Variants in RERE observed in about 807,000 individuals in gnomAD.
The protein encoded by RERE is arginine-glutamic acid dipeptide repeats.
Under a neutral mutation model 146.1 loss-of-function variants are expected in RERE, and 40 were observed. The observed-to-expected ratio is 0.27, with a 90% CI of 0.21 to 0.36. RERE has a LOEUF of 0.36. Among genes scored for constraint, RERE ranks in the 10% least tolerant of loss-of-function variants. The pLI, the probability that RERE is intolerant of heterozygous loss-of-function variation, is 1.00. For missense variants in RERE, 1,933 were observed against 2,138.7 expected (o/e 0.90, Z 1.90); for synonymous variants, 1,003 against 866.0 (o/e 1.16, Z -2.78).
chr1:8,714,849 T>A (rs570010007), intron 1 of RERE, among the ~76,000 whole-genome samples: 1 of 152,134 alleles, frequency 6.6e-6, no homozygotes, highest in African/African-American at 2.4e-5. Flanking sequence ...AGGAAAGAAG[T>A]TGTACAAGAA....
intron 1 of RERE, among the ~76,000 whole-genome samples, chr1:8,683,690 C>T (rs1639025159): frequency 6.6e-6 from 1 of 152,156 alleles, no homozygotes; most frequent in African/African-American, 2.4e-5. Context: ...GGTCTGTAAA[C>T]CCAGCACTTT....
At chr1:8,468,606 G>A (rs1644635874) in intron 10 of RERE, among the ~76,000 whole-genome samples, 1 of 152,162 alleles carries the variant, frequency 6.6e-6, no homozygotes, top group Non-Finnish European at 1.5e-5. Context: ...AAAAGTATGA[G>A]GCTAGGCACA....
chr1:8,681,293 T>C (rs1258333629), intron 1 of RERE, among the ~76,000 whole-genome samples: 1 of 152,218 alleles, frequency 6.6e-6, no homozygotes, highest in Non-Finnish European at 1.5e-5. Flanking sequence ...CATATAGGAC[T>C]ATTCATATAC....
At chr1:8,404,858 AGCTTG>A (rs1015321004) in intron 12 of RERE, among the ~76,000 whole-genome samples, 2 of 152,170 alleles carry the variant, frequency 1.3e-5, no homozygotes, top group African/African-American at 2.4e-5. Flanking sequence ...CAGTCCTGAA[AGCTTG>A]GCTCCTCACC....
At chr1:8,728,604 C>T (rs1640019198) in intron 1 of RERE, among the ~76,000 whole-genome samples, 1 of 152,192 alleles carries the variant, frequency 6.6e-6, no homozygotes, top group Admixed American at 6.5e-5. Flanking sequence ...CCTCAAAGGA[C>T]AGCACCTAAA....
intron 10 of RERE, among the ~76,000 whole-genome samples, chr1:8,485,082 C>A (rs186163773): frequency 1.8e-4 from 28 of 152,242 alleles, no homozygotes; most frequent in Admixed American, 2.6e-4. Flanking sequence ...AGAATGTGGG[C>A]CGGATCCGGT....
intron 1 of RERE, among the ~76,000 whole-genome samples, chr1:8,659,544 G>A (rs1303369980): frequency 2.0e-5 from 3 of 152,340 alleles, no homozygotes; most frequent in Middle Eastern, 3.4e-3. Flanking sequence ...GAGACAAAGC[G>A]AGACTCCGTC....
intron 1 of RERE, among the ~76,000 whole-genome samples, chr1:8,660,834 T>C (rs1377743431): frequency 6.6e-6 from 1 of 152,136 alleles, no homozygotes; most frequent in Admixed American, 6.5e-5. Flanking sequence ...ATGCTTTAAA[T>C]AAGAAAAGGA....
At chr1:8,592,104 G>A (rs1646502000) in intron 4 of RERE, among the ~76,000 whole-genome samples, 1 of 152,070 alleles carries the variant, frequency 6.6e-6, no homozygotes, top group African/African-American at 2.4e-5. Flanking sequence ...CAATGAAAAG[G>A]AACAAAGAAA....
At chr1:8,430,683 G>A (rs1434355659) in intron 11 of RERE, among the ~76,000 whole-genome samples, 1 of 152,240 alleles carries the variant, frequency 6.6e-6, no homozygotes, top group African/African-American at 2.4e-5. Context: ...ATAGTTCAGT[G>A]TTTCTTGAGC....
At chr1:8,525,987 T>C (rs1645565472) in intron 7 of RERE, 2 of 1,332,732 alleles carry the variant, frequency 1.5e-6, no homozygotes, top group Non-Finnish European at 1.9e-6. Context: ...GGACTGAGCA[T>C]GTGCTGTGAC....
chr1:8,509,846 A>G (rs1390876888), intron 7 of RERE, among the ~76,000 whole-genome samples: 9 of 152,218 alleles, frequency 5.9e-5, no homozygotes, highest in African/African-American at 2.2e-4. Flanking sequence ...AAAAGGAGGC[A>G]CATGCTCTTG....
chr1:8,645,696 C>T (rs1427661182), intron 2 of RERE, among the ~76,000 whole-genome samples: 2 of 152,182 alleles, frequency 1.3e-5, no homozygotes, highest in Non-Finnish European at 2.9e-5. Context: ...TTTCATGATA[C>T]TTAATGATCC....
intron 1 of RERE, chr1:8,753,334 G>C (rs1490211681): frequency 6.6e-6 from 1 of 151,946 alleles, no homozygotes; most frequent in Non-Finnish European, 1.5e-5. Context: ...ACGCATTTTT[G>C]CAATCGTTTC....
At chr1:8,362,124 G>A (rs1641604297) in intron 16 of RERE, among the ~76,000 whole-genome samples, 1 of 152,198 alleles carries the variant, frequency 6.6e-6, no homozygotes, top group African/African-American at 2.4e-5. Flanking sequence ...TGAAAATGTA[G>A]GCAGGACTGT....
chr1:8,454,808 C>G (rs1644432373), intron 11 of RERE, among the ~76,000 whole-genome samples: 1 of 150,550 alleles, frequency 6.6e-6, no homozygotes, highest in South Asian at 2.1e-4. Flanking sequence ...CTGTTTCAAA[C>G]AAACAAACAA....
intron 4 of RERE, among the ~76,000 whole-genome samples, chr1:8,563,298 T>A (rs778448949): frequency 2.0e-5 from 3 of 152,094 alleles, no homozygotes; most frequent in Non-Finnish European, 2.9e-5. Flanking sequence ...GTAATAATAA[T>A]CGAGGGGGTA....
rs564929589 is a variant in RERE at position 8,536,524 on chromosome 1, G to A, written c.830+4690C>T. Among the ~76,000 whole-genome samples, 6 of 152,246 alleles carry A rather than the reference G, an allele frequency of 3.9e-5. No individual in the cohort carries two copies. In the South Asian group the frequency reaches 8.3e-4, roughly 21 times the overall value. On this transcript the variant is annotated intron_variant, in intron 7 of 22. Transcript: ENST00000400908. ...TATTTTATATTTTAGTTTAACCACCGACGCTGGTGTTTTAGCCAAATGCAC... is the reference window on the plus strand; with the variant it reads ...TATTTTATATTTTAGTTTAACCACCAACGCTGGTGTTTTAGCCAAATGCAC...
Position 8,750,074 on chromosome 1 carries a change from T to A in RERE, c.-145+67086A>T, listed in dbSNP as rs146109599. Reference sequence around the variant, plus strand: ...GGCTAAGACATGAGAATCGCTTGAATGCAGAGGCCGAGGTTACAGTGAGCC... The same window carrying A: ...GGCTAAGACATGAGAATCGCTTGAAAGCAGAGGCCGAGGTTACAGTGAGCC... On this transcript the variant is annotated intron_variant, in intron 1 of 22. Transcript: ENST00000400908. Among the ~76,000 whole-genome samples, 405 of 142,370 alleles carry A rather than the reference T, an allele frequency of 2.8e-3. 3 individuals carry two copies. Among genetic ancestry groups the A allele is most frequent in the African/African-American group, 0.01 (391 of 38,298 alleles). 93.4% of individuals were successfully genotyped at this position (142,370 alleles called of 152,430 possible). A position where few individuals can be genotyped will look rare whatever the true frequency, so the allele number is the denominator to read the frequency against.
Sources: gnomAD v4.1 joint callset for allele counts (sites outside exome capture counted in the v4.1 genomes callset) on GRCh38, gnomAD v4.1.1 for gene constraint, MANE v1.5 for transcripts, NCBI Gene and HGNC (gene_info 2026-07-23, HGNC 2026-07-21) for gene names.